Variants in DSCAML1 observed in about 807,000 individuals in gnomAD.
DSCAML1 encodes the protein cell adhesion molecule DSCAML1.
DSCAML1 carries 38 observed loss-of-function variants against 200.5 expected under a neutral mutation model. That is an observed-to-expected ratio of 0.19 (90% CI 0.15 to 0.25). The LOEUF is 0.25. Among genes scored for constraint, DSCAML1 ranks in the 10% least tolerant of loss-of-function variants. The pLI is 1.00. For synonymous variants in DSCAML1, 1,215 were observed against 1,165.0 expected, an observed-to-expected ratio of 1.04 and a Z score of -0.87; for missense variants, 2,223 against 2,858.8, an observed-to-expected ratio of 0.78 and a Z score of 5.07.
chr11:117,641,127 C>T lies in DSCAML1; in HGVS notation c.512-108605G>A, dbSNP rs373841405. On this transcript the variant is annotated intron_variant, in intron 3 of 32. Coordinates refer to ENST00000651296, the MANE Select transcript of DSCAML1 (RefSeq NM_020693.4). ...GCCTGTTTCCAATAGGGGTAGGCCA[C>T]ATCTCAATTCCCCAGCCATCCAGCC... 1.3e-5 allele frequency among the ~76,000 whole-genome samples: 2 copies of T among 152,396 alleles called. 1 individual carries two copies.
chr11:117,646,709 C>A (rs537592), intron 3 of DSCAML1, among the ~76,000 whole-genome samples: 1 of 151,890 alleles, frequency 6.6e-6, no homozygotes, highest in Non-Finnish European at 1.5e-5. Flanking sequence ...AATTACACCA[C>A]GGAAATCAGT....
chr11:117,467,193 A>ACCCCCCCC lies in DSCAML1; in HGVS notation c.3025-2012_3025-2011insGGGGGGGG, dbSNP rs757481843. Reference sequence around the variant, plus strand: ...CGCGCACGCATGCGCGTGCACACACACCTCCCCCCTCCCCCCGCCGCCAAT... The same window carrying ACCCCCCCC: ...CGCGCACGCATGCGCGTGCACACACACCCCCCCCCCTCCCCCCTCCCCCCGCCGCCAAT... On this transcript the variant is annotated intron_variant, in intron 16 of 32. Transcript: ENST00000651296. Among the ~76,000 whole-genome samples, 97 of 109,482 alleles carry ACCCCCCCC rather than the reference A, an allele frequency of 8.9e-4. 4 individuals carry two copies. Among genetic ancestry groups the ACCCCCCCC allele is most frequent in the African/African-American group, 2.2e-3 (50 of 22,596 alleles). The allele number at this position is 109,482 out of a possible 152,430, so 71.8% of individuals were successfully genotyped here. A position where few individuals can be genotyped will look rare whatever the true frequency, so the allele number is the denominator to read the frequency against.
chr11:117,509,392 A>G (rs911546728), intron 8 of DSCAML1, among the ~76,000 whole-genome samples: 4 of 152,172 alleles, frequency 2.6e-5, no homozygotes, highest in Non-Finnish European at 5.9e-5. Flanking sequence ...CTGGGGAGTT[A>G]AACATGCAGC....
intron 3 of DSCAML1, among the ~76,000 whole-genome samples, chr11:117,713,990 G>A (rs2053900406): frequency 6.6e-6 from 1 of 152,230 alleles, no homozygotes; most frequent in Non-Finnish European, 1.5e-5. Flanking sequence ...CCCGGGGCCT[G>A]ACTACCTGGT....
At chr11:117,481,295 G>C in intron 12 of DSCAML1, 25 bp from the exon 13 acceptor site, 1 of 1,611,198 alleles carries the variant, frequency 6.2e-7, no homozygotes, top group Non-Finnish European at 8.5e-7. Flanking sequence ...GCAGGGGCAG[G>C]AGAGGGAGTA....
Position 117,437,579 on chromosome 11 carries a change from G to A in DSCAML1, c.4433-170C>T, listed in dbSNP as rs957073092. ...GAAGCCCCAGGGCGCAGAGGAGGAA[G>A]AGGAGGGGAGGGAGGAGAGGGAAGA... On this transcript the variant is annotated intron_variant, in intron 25 of 32. Transcript: ENST00000651296. This position sits in a 1 kb window ranked among gnomAD's most constrained non-coding sequence, Gnocchi z 5.3. 1.3e-5 allele frequency among the ~76,000 whole-genome samples: 2 copies of A among 152,162 alleles called. No homozygotes were observed. Among genetic ancestry groups the A allele is most frequent in the Admixed American group, 1.3e-4 (2 of 15,286 alleles).
At chr11:117,700,781 T>TG (rs1403860399) in intron 3 of DSCAML1, among the ~76,000 whole-genome samples, 2 of 152,188 alleles carry the variant, frequency 1.3e-5, no homozygotes, top group Non-Finnish European at 2.9e-5. Context: ...TAATGTGAAC[T>TG]GGGGGCTTCC....
At chr11:117,653,202 G>T (rs530263232) in intron 3 of DSCAML1, among the ~76,000 whole-genome samples, 10 of 152,158 alleles carry the variant, frequency 6.6e-5, no homozygotes, top group African/African-American at 2.2e-4. Flanking sequence ...GTGTGTGTAG[G>T]GGAAATGGCC....
At chr11:117,458,488 G>C (rs1210928513) in intron 19 of DSCAML1, among the ~76,000 whole-genome samples, 1 of 152,136 alleles carries the variant, frequency 6.6e-6, no homozygotes. Flanking sequence ...GGAGGAGAGG[G>C]TTTTTCCGGC....
At chr11:117,567,507 A>C (rs544732255) in intron 3 of DSCAML1, among the ~76,000 whole-genome samples, 1 of 152,130 alleles carries the variant, frequency 6.6e-6, no homozygotes, top group Non-Finnish European at 1.5e-5. Flanking sequence ...AGGTTGTGAA[A>C]ATTTTCTCCC....
chr11:117,536,059 A>G (rs562231564), intron 3 of DSCAML1, among the ~76,000 whole-genome samples: 7 of 148,264 alleles, frequency 4.7e-5, no homozygotes, highest in African/African-American at 1.5e-4. Context: ...TAACGTTTTC[A>G]GACACAGTGT....
rs139126238 is a variant in DSCAML1 at position 117,525,024 on chromosome 11, C to T, written c.718G>A (p.Gly240Ser). ...GTGCAGGGCAGCTCCACGGTGTGGCCGGCCCACACTTCCTGGGAGTGGAAG... is the reference window on the plus strand; with the variant it reads ...GTGCAGGGCAGCTCCACGGTGTGGCTGGCCCACACTTCCTGGGAGTGGAAG... Reference protein sequence around the residue: ...DGFHSQEVWAGHTVELPCTAS... With the variant: ...DGFHSQEVWASHTVELPCTAS... The change falls in exon 5 of 33, where the codon GGC becomes AGC. Residue 240 changes from glycine to serine, a missense_variant. Around this residue, in one of 7 missense-constraint regions of DSCAML1, gnomAD observed 579 missense variants for 721.5 expected, o/e 0.80. Coordinates refer to ENST00000651296, the MANE Select transcript of DSCAML1 (RefSeq NM_020693.4). 1.5e-5 allele frequency: 24 copies of T among 1,601,598 alleles called. No individual in the cohort carries two copies. The highest frequency in any genetic ancestry group is 2.0e-5 in the Non-Finnish European group (24 of 1,175,216).
At chr11:117,655,548 A>G (rs1255230317) in intron 3 of DSCAML1, among the ~76,000 whole-genome samples, 1 of 152,200 alleles carries the variant, frequency 6.6e-6, no homozygotes, top group African/African-American at 2.4e-5. Flanking sequence ...AGTCAGTGCA[A>G]AAGTGCAATC....
At chr11:117,594,161 T>A (rs2051317969) in intron 3 of DSCAML1, among the ~76,000 whole-genome samples, 1 of 152,058 alleles carries the variant, frequency 6.6e-6, no homozygotes, top group Admixed American at 6.6e-5. Flanking sequence ...CTCAAGGAAT[T>A]CCAAGGGAGG....
chr11:117,701,382 C>T (rs1368233405), intron 3 of DSCAML1, among the ~76,000 whole-genome samples: 1 of 152,204 alleles, frequency 6.6e-6, no homozygotes, highest in Non-Finnish European at 1.5e-5. Context: ...GATCGTCCCC[C>T]AGAGAATAAA....
chr11:117,735,458 A>T (rs1272874257), intron 3 of DSCAML1, among the ~76,000 whole-genome samples: 4 of 152,096 alleles, frequency 2.6e-5, no homozygotes, highest in Non-Finnish European at 5.9e-5. Context: ...CAGGTCCAAG[A>T]CACCTGCCCC....
chr11:117,468,956 A>G (rs549301), intron 16 of DSCAML1, among the ~76,000 whole-genome samples: 152,280 of 152,290 alleles, frequency 1, 76,135 homozygotes, highest in Non-Finnish European at 1. Context: ...AAGACAGGCA[A>G]CCCCCGAGCC....
intron 3 of DSCAML1, among the ~76,000 whole-genome samples, chr11:117,761,138 A>G (rs894669457): frequency 6.6e-6 from 1 of 152,196 alleles, no homozygotes; most frequent in Non-Finnish European, 1.5e-5. Context: ...AGGAGTACTC[A>G]CATCTGAACA....
intron 3 of DSCAML1, among the ~76,000 whole-genome samples, chr11:117,558,035 C>T (rs1463539915): frequency 1.3e-5 from 2 of 152,072 alleles, no homozygotes; most frequent in African/African-American, 2.4e-5. Context: ...CAATGATGGA[C>T]ATTTCCCACC....
Sources: allele counts gnomAD v4.1 joint callset (sites outside exome capture counted in the v4.1 genomes callset), GRCh38; gene constraint gnomAD v4.1.1; regional missense constraint gnomAD v4.1.1; non-coding constraint Gnocchi (gnomAD v3.1); transcripts MANE v1.5; gene names NCBI Gene and HGNC (gene_info 2026-07-23, HGNC 2026-07-21).